Variants in NRXN3 observed in about 807,000 individuals in gnomAD.
NRXN3 encodes the protein neurexin 3, also known as neurexin III.
NRXN3 carries 32 observed loss-of-function variants against 137.6 expected under a neutral mutation model. That is an observed-to-expected ratio of 0.23 (90% confidence interval 0.18 to 0.31). The LOEUF (loss-of-function observed/expected upper bound fraction) is 0.31. NRXN3 is among the 10% of genes least tolerant of loss of function. The probability of loss-of-function intolerance (pLI) is 1.00; values close to 1 mark genes in which losing one functional copy is unlikely to be tolerated. For missense variants in NRXN3, 1,574 were observed against 2,062.5 expected, an observed-to-expected ratio of 0.76 and a Z score of 4.59; for synonymous variants, 798 against 784.5, an observed-to-expected ratio of 1.02 and a Z score of -0.29.
intron 4 of NRXN3, among the ~76,000 whole-genome samples, chr14:78,639,311 A>G (rs1195216588): frequency 6.6e-6 from 1 of 152,242 alleles, no homozygotes; most frequent in African/African-American, 2.4e-5. Flanking sequence ...GCTGCATGCT[A>G]CAATGAGAAC....
At chr14:78,949,525 A>T (rs2099382611) in intron 10 of NRXN3, among the ~76,000 whole-genome samples, 1 of 151,996 alleles carries the variant, frequency 6.6e-6, no homozygotes, top group South Asian at 2.1e-4. Context: ...TCTTGGTGCA[A>T]TGTGCCATGC....
rs28449456 is a variant in NRXN3, at chr14:78,805,829, C to G, written c.2248+2006C>G. Among the ~76,000 whole-genome samples the G allele has an allele frequency of 8.0e-3, 1,223 of 152,114 alleles. 9 individuals are homozygous for G. Among genetic ancestry groups the G allele is most frequent in the African/African-American group, 0.028 (1,166 of 41,490 alleles). ...GATTAGAGTGTCAACTTTGACAGGT[C>G]TCACATCTTAGAAGGAAAAACTGGG... On this transcript the variant is annotated intron_variant, in intron 9 of 20. Coordinates refer to ENST00000335750, the MANE Select transcript of NRXN3 (RefSeq NM_001330195.2).
chr14:79,759,507 A>G (rs534333122), intron 19 of NRXN3, among the ~76,000 whole-genome samples: 1 of 151,796 alleles, frequency 6.6e-6, no homozygotes, highest in East Asian at 1.9e-4. Context: ...AAAAAAAGCT[A>G]TCTTCTTTCA....
At chr14:78,598,511 C>G (rs1040044926) in intron 4 of NRXN3, among the ~76,000 whole-genome samples, 2 of 152,222 alleles carry the variant, frequency 1.3e-5, no homozygotes, top group African/African-American at 2.4e-5. Context: ...CTTCTGCGGT[C>G]GCATGTCCAT....
chr14:78,230,094 G>A (rs28519653), intron 1 of NRXN3, among the ~76,000 whole-genome samples: 18,519 of 151,896 alleles, frequency 0.12, 1,232 homozygotes, highest in East Asian at 0.16. Flanking sequence ...GCACGATCTC[G>A]GCTCACTGCA....
intron 19 of NRXN3, among the ~76,000 whole-genome samples, chr14:79,747,266 A>G (rs144840122): frequency 6.6e-6 from 1 of 152,222 alleles, no homozygotes; most frequent in Non-Finnish European, 1.5e-5. Context: ...CTCTGCCACT[A>G]GGATTTTACT....
At chr14:78,491,460 G>A (rs1352707321) in intron 4 of NRXN3, among the ~76,000 whole-genome samples, 6 of 152,182 alleles carry the variant, frequency 3.9e-5, no homozygotes, top group Non-Finnish European at 8.8e-5. Flanking sequence ...TTGCAGACAA[G>A]CAAGCCTCCC....
chr14:79,036,593 GTTT>G (rs57154485), intron 15 of NRXN3, among the ~76,000 whole-genome samples: 6 of 101,652 alleles, frequency 5.9e-5, no homozygotes, highest in African/African-American at 1.8e-4. Flanking sequence ...TTCGTTTTGG[GTTT>G]TTTTTTTTTT....
At chr14:78,997,443 C>T (rs2099532329) in intron 15 of NRXN3, among the ~76,000 whole-genome samples, 1 of 152,140 alleles carries the variant, frequency 6.6e-6, no homozygotes, top group South Asian at 2.1e-4. Flanking sequence ...TCACGGAAGA[C>T]AATTTTTGTA....
intron 2 of NRXN3, among the ~76,000 whole-genome samples, chr14:78,248,796 G>A (rs1009623438): frequency 2.6e-5 from 4 of 152,152 alleles, no homozygotes; most frequent in Non-Finnish European, 2.9e-5. Flanking sequence ...CCTGGTTTGG[G>A]AAGGAGAGAA....
intron 15 of NRXN3, among the ~76,000 whole-genome samples, chr14:79,163,521 C>T (rs112678615): frequency 1.1e-3 from 166 of 152,012 alleles, no homozygotes; most frequent in African/African-American, 3.7e-3. Context: ...TTACTAAATT[C>T]CTGTCCTGGT....
intron 16 of NRXN3, among the ~76,000 whole-genome samples, chr14:79,627,056 G>A (rs2098289880): frequency 6.6e-6 from 1 of 152,126 alleles, no homozygotes; most frequent in Non-Finnish European, 1.5e-5. Flanking sequence ...AAAGACATAT[G>A]AGTTAGTTAA....
chr14:79,238,969 A>T (rs1252757003), intron 15 of NRXN3, among the ~76,000 whole-genome samples: 1 of 152,154 alleles, frequency 6.6e-6, no homozygotes. Context: ...GATGCCAAAT[A>T]ACTATTAGTG....
chr14:79,853,691 C>G, intron 20 of NRXN3: 1 of 1,287,052 alleles, frequency 7.8e-7, no homozygotes. Context: ...CCATTCTCCC[C>G]CTTTCTTTAG....
intron 15 of NRXN3, among the ~76,000 whole-genome samples, chr14:79,365,437 T>C (rs1463262861): frequency 6.6e-6 from 1 of 152,074 alleles, no homozygotes; most frequent in East Asian, 1.9e-4. Flanking sequence ...AGAGTTTTAT[T>C]GGCCGGGCGC....
chr14:79,412,157 A>G (rs1403593057), intron 15 of NRXN3, among the ~76,000 whole-genome samples: 1 of 152,108 alleles, frequency 6.6e-6, no homozygotes, highest in East Asian at 1.9e-4. Flanking sequence ...GGCACCAAGT[A>G]TATATGGTCC....
At chr14:78,788,253 A>G (rs935633015) in intron 8 of NRXN3, among the ~76,000 whole-genome samples, 5 of 93,662 alleles carry the variant, frequency 5.3e-5, no homozygotes, top group African/African-American at 2.0e-4. Context: ...ATGTACATGC[A>G]TATATATACA....
intron 16 of NRXN3, among the ~76,000 whole-genome samples, chr14:79,520,221 G>T (rs953056584): frequency 6.6e-6 from 1 of 151,940 alleles, no homozygotes; most frequent in Admixed American, 6.6e-5. Context: ...ATTTTTGTTT[G>T]CATTCTTCCG....
intron 1 of NRXN3, among the ~76,000 whole-genome samples, chr14:78,198,878 C>T (rs912122099): frequency 2.6e-5 from 4 of 152,118 alleles, no homozygotes; most frequent in African/African-American, 9.7e-5. Context: ...GAGAAAAATT[C>T]CTGAAAGATT....
Sources: allele counts gnomAD v4.1 joint callset (sites outside exome capture counted in the v4.1 genomes callset), GRCh38; gene constraint gnomAD v4.1.1; transcripts MANE v1.5; gene names NCBI Gene and HGNC (gene_info 2026-07-23, HGNC 2026-07-21).